Variants in KCTD8 observed in about 807,000 individuals in gnomAD.
KCTD8 encodes BTB/POZ domain-containing protein KCTD8.
KCTD8 carries 27 observed loss-of-function variants against 31.5 expected under a neutral mutation model. That is an observed-to-expected ratio of 0.86 (90% CI 0.63 to 1.18). The LOEUF (loss-of-function observed/expected upper bound fraction) is 1.18, where lower values mean the gene tolerates loss of function less well. KCTD8 is among the 50% of genes most tolerant of loss of function. KCTD8 has a pLI of 0.00. For missense variants in KCTD8, 658 were observed against 647.7 expected, an observed-to-expected ratio of 1.02 and a Z score of -0.17; for synonymous variants, 290 against 280.0, an observed-to-expected ratio of 1.04 and a Z score of -0.36.
Position 44,448,122 on chromosome 4 carries a change from G to C in KCTD8, c.402C>G (p.Ala134=). ...FPEKERLLRE[A]EYFQLTDLVK... ...CCAAGTCGGTGAGCTGGAAATACTC[G>C]GCCTCGCGCAGCAGCCGCTCCTTCT... is the stretch of plus-strand genomic sequence containing the variant. The change falls in exon 1 of 2, where the codon GCC becomes GCG. Residue 134 remains alanine, a synonymous_variant. Coordinates refer to ENST00000360029, the MANE Select transcript of KCTD8 (RefSeq NM_198353.3). This position sits in a 1 kb window ranked among gnomAD's most constrained non-coding sequence, Gnocchi z 4.1. 2 of 1,612,656 alleles carry C rather than the reference G, an allele frequency of 1.2e-6. No homozygotes were observed. The highest frequency in any genetic ancestry group is 1.1e-5 in the South Asian group (1 of 91,050).
intron 1 of KCTD8, among the ~76,000 whole-genome samples, chr4:44,212,216 A>G (rs1257471560): frequency 1.3e-5 from 2 of 152,242 alleles, no homozygotes; most frequent in Non-Finnish European, 2.9e-5. Context: ...ACATAAAACC[A>G]GTGGAATCTG....
At chr4:44,240,783 C>T (rs1715436524) in intron 1 of KCTD8, among the ~76,000 whole-genome samples, 1 of 152,198 alleles carries the variant, frequency 6.6e-6, no homozygotes, top group East Asian at 1.9e-4. Flanking sequence ...TGTTACAACT[C>T]TAAAGATCAA....
chr4:44,325,679 A>T (rs1469113789), intron 1 of KCTD8, among the ~76,000 whole-genome samples: 1 of 151,916 alleles, frequency 6.6e-6, no homozygotes. Flanking sequence ...ATAAATATTG[A>T]GGCATATGAT....
At chr4:44,432,348 C>T (rs1249526677) in intron 1 of KCTD8, among the ~76,000 whole-genome samples, 1 of 151,540 alleles carries the variant, frequency 6.6e-6, no homozygotes, top group Non-Finnish European at 1.5e-5. Flanking sequence ...GCATTCTATA[C>T]ATACAGATCT....
intron 1 of KCTD8, among the ~76,000 whole-genome samples, chr4:44,264,008 A>T (rs1321052259): frequency 1.3e-5 from 2 of 152,166 alleles, no homozygotes; most frequent in Non-Finnish European, 2.9e-5. Flanking sequence ...TAACTTAATA[A>T]CTCAAAGTAA....
At chr4:44,236,265 G>C (rs975442533) in intron 1 of KCTD8, among the ~76,000 whole-genome samples, 2 of 152,132 alleles carry the variant, frequency 1.3e-5, no homozygotes, top group Non-Finnish European at 2.9e-5. Context: ...AAGCTAGGGG[G>C]AAATGGAGCA....
intron 1 of KCTD8, among the ~76,000 whole-genome samples, chr4:44,418,322 C>T (rs1721125690): frequency 1.3e-5 from 2 of 152,110 alleles, no homozygotes; most frequent in East Asian, 3.9e-4. Flanking sequence ...TTGTAATGGG[C>T]AGTACAGAAA....
At chr4:44,335,446 T>C (rs1718713717) in intron 1 of KCTD8, among the ~76,000 whole-genome samples, 1 of 152,076 alleles carries the variant, frequency 6.6e-6, no homozygotes, top group Admixed American at 6.6e-5. Context: ...ATGTACTTCC[T>C]GAACCTATAA....
At chr4:44,243,735 C>T (rs542486438) in intron 1 of KCTD8, among the ~76,000 whole-genome samples, 1 of 152,288 alleles carries the variant, frequency 6.6e-6, no homozygotes, top group South Asian at 2.1e-4. Flanking sequence ...CTGTCTAGTT[C>T]CAAAGCCAGA....
chr4:44,187,388 C>G (rs1301381494), intron 1 of KCTD8, among the ~76,000 whole-genome samples: 1 of 152,098 alleles, frequency 6.6e-6, no homozygotes, highest in Admixed American at 6.6e-5. Flanking sequence ...GGATTCTATC[C>G]ACATTCACCC....
At chr4:44,279,554 T>C (rs1716843161) in intron 1 of KCTD8, among the ~76,000 whole-genome samples, 1 of 152,084 alleles carries the variant, frequency 6.6e-6, no homozygotes, top group Non-Finnish European at 1.5e-5. Context: ...ATCTTTCTAT[T>C]ATATAGTCAA....
intron 1 of KCTD8, among the ~76,000 whole-genome samples, chr4:44,197,859 A>T (rs980589409): frequency 6.6e-6 from 1 of 152,224 alleles, no homozygotes; most frequent in African/African-American, 2.4e-5. Flanking sequence ...TCTGGATGTC[A>T]AGGAAGCTCA....
chr4:44,447,629 C>T lies in KCTD8; in HGVS notation c.895G>A (p.Ala299Thr), dbSNP rs1721976320. The change falls in exon 1 of 2, where the codon GCC becomes ACC. Residue 299 changes from alanine (A) to threonine (T), a missense_variant. Coordinates refer to ENST00000360029, the MANE Select transcript of KCTD8 (RefSeq NM_198353.3). The stretch of plus-strand genomic sequence containing the variant: ...TCGCGGTACTGGTTGACGAAGGCGG[C>T]GGTGCCCGAGGAGTTACACGCCACC... ...HMVACNSSGT[A>T]AFVNQYRDDK... The T allele has an allele frequency of 1.9e-6, 3 of 1,606,026 alleles. No individual in the cohort carries two copies. The highest frequency in any genetic ancestry group is 1.1e-5 in the South Asian group (1 of 89,476).
At chr4:44,248,868 A>T (rs1715742331) in intron 1 of KCTD8, among the ~76,000 whole-genome samples, 1 of 151,806 alleles carries the variant, frequency 6.6e-6, no homozygotes. Flanking sequence ...CCTCTGGAGA[A>T]CCTGCCTCAA....
chr4:44,327,275 A>C (rs1200922547), intron 1 of KCTD8, among the ~76,000 whole-genome samples: 1 of 151,748 alleles, frequency 6.6e-6, no homozygotes, highest in Admixed American at 6.6e-5. Flanking sequence ...CTTAAAATTA[A>C]GTCAGGTTTC....
intron 1 of KCTD8, among the ~76,000 whole-genome samples, chr4:44,401,011 C>CTTTTTTTTTT (rs59602420): frequency 1.3e-4 from 12 of 95,906 alleles, no homozygotes; most frequent in South Asian, 4.2e-4. Flanking sequence ...AATTTTCTTT[C>CTTTTTTTTTT]TTTTTTTTTT....
intron 1 of KCTD8, among the ~76,000 whole-genome samples, chr4:44,339,473 A>G (rs1203815017): frequency 6.6e-6 from 1 of 152,178 alleles, no homozygotes; most frequent in Non-Finnish European, 1.5e-5. Flanking sequence ...GATTCAAATG[A>G]TAAAAGGGTC....
At chr4:44,390,434 G>A (rs777975839) in intron 1 of KCTD8, among the ~76,000 whole-genome samples, 4 of 151,796 alleles carry the variant, frequency 2.6e-5, no homozygotes, top group Non-Finnish European at 4.4e-5. Context: ...TTGCTTTGTC[G>A]AAGATCAGTT....
At chr4:44,195,390 A>G (rs2109336764) in intron 1 of KCTD8, among the ~76,000 whole-genome samples, 1 of 152,314 alleles carries the variant, frequency 6.6e-6, no homozygotes, top group East Asian at 1.9e-4. Context: ...CTAGGGACTC[A>G]TACTCCTTTG....
Sources: allele counts gnomAD v4.1 joint callset (sites outside exome capture counted in the v4.1 genomes callset), GRCh38; gene constraint gnomAD v4.1.1; non-coding constraint Gnocchi (gnomAD v3.1); transcripts MANE v1.5; gene names NCBI Gene and HGNC (gene_info 2026-07-23, HGNC 2026-07-21).